The following HCN1 variants were observed in gnomAD, a reference collection of about 807,000 sequenced individuals.
HCN1 encodes the protein potassium/sodium hyperpolarization-activated cyclic nucleotide-gated channel 1.
In HCN1, 13 loss-of-function variants were observed where a neutral mutation model predicts 78.9. The ratio of observed to expected loss-of-function variants is 0.16; its 90% CI spans 0.11 to 0.26. The LOEUF is 0.26. Ranked by LOEUF, HCN1 falls within the 10% of genes least tolerant of loss-of-function variation. The pLI is 1.00. For missense variants in HCN1, 810 were observed against 1,154.3 expected (o/e 0.70, Z 4.32); for synonymous variants, 552 against 455.5 (o/e 1.21, Z -2.70).
intron 1 of HCN1, among the ~76,000 whole-genome samples, chr5:45,658,918 G>C (rs905947133): frequency 1.4e-5 from 2 of 144,964 alleles, no homozygotes; most frequent in African/African-American, 5.1e-5. Context: ...GGTAAACAAA[G>C]CAGCCGGGAA....
chr5:45,465,955 G>A (rs745469357), intron 2 of HCN1, among the ~76,000 whole-genome samples: 38 of 152,022 alleles, frequency 2.5e-4, no homozygotes, highest in Non-Finnish European at 4.7e-4. Context: ...ATTTTATTTA[G>A]TTGGAGTCCA....
At chr5:45,414,265 C>T (rs1740076924) in intron 3 of HCN1, among the ~76,000 whole-genome samples, 1 of 151,954 alleles carries the variant, frequency 6.6e-6, no homozygotes. Flanking sequence ...TTAATCTTGT[C>T]TCCCTCCTCC....
At chr5:45,539,729 ATAT>A (rs989852693) in intron 2 of HCN1, among the ~76,000 whole-genome samples, 15 of 148,160 alleles carry the variant, frequency 1.0e-4, no homozygotes, top group South Asian at 4.2e-4. Context: ...AAAATATTTA[ATAT>A]TATTATTTTA....
chr5:45,664,482 A>AG (rs1745992805), intron 1 of HCN1, among the ~76,000 whole-genome samples: 1 of 150,392 alleles, frequency 6.6e-6, no homozygotes, highest in Non-Finnish European at 1.5e-5. Flanking sequence ...GAAAAAAAAA[A>AG]AAAGAAACTA....
intron 7 of HCN1, among the ~76,000 whole-genome samples, chr5:45,264,323 A>G (rs1744811203): frequency 1.3e-5 from 2 of 152,192 alleles, no homozygotes; most frequent in Admixed American, 6.5e-5. Flanking sequence ...TCTCTGGCAT[A>G]ATAATTATTA....
intron 2 of HCN1, among the ~76,000 whole-genome samples, chr5:45,528,586 G>A (rs979710813): frequency 2.0e-5 from 3 of 151,890 alleles, no homozygotes; most frequent in African/African-American, 7.2e-5. Context: ...TCAAGGAGAT[G>A]AAGTAACCTT....
chr5:45,311,859 T>C (rs1452409187), intron 5 of HCN1, among the ~76,000 whole-genome samples: 1 of 152,184 alleles, frequency 6.6e-6, no homozygotes, highest in Non-Finnish European at 1.5e-5. Flanking sequence ...ACCCTCAAAG[T>C]TCATCAACAG....
At chr5:45,612,605 C>A (rs1021211425) in intron 2 of HCN1, among the ~76,000 whole-genome samples, 1 of 152,116 alleles carries the variant, frequency 6.6e-6, no homozygotes, top group Non-Finnish European at 1.5e-5. Context: ...TGTATCAGAT[C>A]ATGTTATTTT....
chr5:45,626,088 T>C (rs960055866), intron 2 of HCN1, among the ~76,000 whole-genome samples: 3 of 152,172 alleles, frequency 2.0e-5, no homozygotes, highest in African/African-American at 7.2e-5. Flanking sequence ...AACCCTACTG[T>C]ATAGATAGGA....
intron 2 of HCN1, among the ~76,000 whole-genome samples, chr5:45,498,831 A>T (rs1464591929): frequency 6.6e-6 from 1 of 152,024 alleles, no homozygotes; most frequent in Non-Finnish European, 1.5e-5. Flanking sequence ...GGTCTGTTGG[A>T]GTACCCGGCC....
intron 4 of HCN1, among the ~76,000 whole-genome samples, chr5:45,379,071 C>A (rs1747750550): frequency 6.6e-6 from 1 of 152,016 alleles, no homozygotes; most frequent in Non-Finnish European, 1.5e-5. Context: ...GAATAGTGCC[C>A]TAATAAACAT....
At chr5:45,508,329 A>C (rs560554937) in intron 2 of HCN1, among the ~76,000 whole-genome samples, 2 of 152,088 alleles carry the variant, frequency 1.3e-5, no homozygotes, top group East Asian at 1.9e-4. Flanking sequence ...AATCCAGGCT[A>C]TCCTCAATGT....
intron 4 of HCN1, among the ~76,000 whole-genome samples, chr5:45,376,473 G>A (rs182298172): frequency 6.7e-6 from 1 of 149,956 alleles, no homozygotes; most frequent in South Asian, 2.1e-4. Context: ...AGATTGGCTA[G>A]TGTCTTGATC....
intron 3 of HCN1, among the ~76,000 whole-genome samples, chr5:45,423,395 T>C (rs1000166099): frequency 6.6e-6 from 1 of 152,106 alleles, no homozygotes; most frequent in Non-Finnish European, 1.5e-5. Flanking sequence ...CCAGCCTCTT[T>C]TCCTACCTTT....
intron 6 of HCN1, among the ~76,000 whole-genome samples, chr5:45,300,370 AG>A (rs1745586598): frequency 6.6e-6 from 1 of 152,002 alleles, no homozygotes; most frequent in South Asian, 2.1e-4. Context: ...AGATAGTAAA[AG>A]TAACCCCTTC....
intron 2 of HCN1, among the ~76,000 whole-genome samples, chr5:45,531,057 TAC>T (rs34789584): frequency 0.016 from 2,254 of 143,548 alleles, 39 homozygotes; most frequent in Non-Finnish European, 0.021. Flanking sequence ...CTAACACACA[TAC>T]ACACACACAC....
intron 5 of HCN1, among the ~76,000 whole-genome samples, chr5:45,320,172 AT>A (rs1746095025): frequency 6.6e-6 from 1 of 151,884 alleles, no homozygotes. Flanking sequence ...GAACTTAGAC[AT>A]TCAAAAGACA....
At chr5:45,298,748 C>T (rs1421607425) in intron 6 of HCN1, among the ~76,000 whole-genome samples, 1 of 151,956 alleles carries the variant, frequency 6.6e-6, no homozygotes, top group Non-Finnish European at 1.5e-5. Context: ...GAACAATACT[C>T]CCCGCTCCTT....
chr5:45,458,421 C>T lies in HCN1; in HGVS notation c.1011+3425G>A, dbSNP rs1407362278. Among the ~76,000 whole-genome samples, 12 of 152,202 alleles carry T rather than the reference C, an allele frequency of 7.9e-5. No individual in the cohort carries two copies. In the South Asian group the frequency reaches 1.5e-3, roughly 18 times the overall value. On this transcript the variant is annotated intron_variant, in intron 3 of 7. Transcript: ENST00000303230. ...TTGTCAAGCCCAAACCCAAGAAAGA[C>T]GAGTGCATTCCTGCATATATCCTGG...
Sources: gnomAD v4.1 joint callset for allele counts (sites outside exome capture counted in the v4.1 genomes callset) on GRCh38, gnomAD v4.1.1 for gene constraint, MANE v1.5 for transcripts, NCBI Gene and HGNC (gene_info 2026-07-23, HGNC 2026-07-21) for gene names.